COL28A1: variants seen among roughly 807,000 people sequenced by gnomAD.
The protein encoded by COL28A1 is collagen type XXVIII alpha 1 chain.
A neutral mutation model predicts 150.2 loss-of-function variants in COL28A1; 161 were observed. The ratio of observed to expected loss-of-function variants is 1.07; its 90% CI spans 0.94 to 1.22. COL28A1 has a LOEUF of 1.22. COL28A1 is among the 50% of genes most tolerant of loss of function. The probability of loss-of-function intolerance (pLI) is 0.00; values close to 1 mark genes in which losing one functional copy is unlikely to be tolerated. For missense variants in COL28A1, 1,617 were observed against 1,388.3 expected, an observed-to-expected ratio of 1.16 and a Z score of -2.62; for synonymous variants, 552 against 469.7, an observed-to-expected ratio of 1.18 and a Z score of -2.26.
At chr7:7,530,635 T>C (rs930858219) in intron 3 of COL28A1, among the ~76,000 whole-genome samples, 2 of 152,178 alleles carry the variant, frequency 1.3e-5, no homozygotes, top group Admixed American at 6.5e-5. Flanking sequence ...TTGATTGTGG[T>C]GCCGTGTGTT....
At chr7:7,447,513 G>A (rs369214878) in intron 18 of COL28A1, among the ~76,000 whole-genome samples, 20 of 151,852 alleles carry the variant, frequency 1.3e-4, no homozygotes, top group Middle Eastern at 3.4e-3. Flanking sequence ...AAAATCAATC[G>A]ATTGAAACTT....
intron 27 of COL28A1, among the ~76,000 whole-genome samples, chr7:7,393,282 C>T (rs1208994657): frequency 6.6e-6 from 1 of 152,216 alleles, no homozygotes; most frequent in Non-Finnish European, 1.5e-5. Flanking sequence ...TGGGCATTAC[C>T]AGTGGAGGCT....
chr7:7,485,683 C>T (rs1779588092), intron 13 of COL28A1, among the ~76,000 whole-genome samples: 1 of 152,138 alleles, frequency 6.6e-6, no homozygotes, highest in Non-Finnish European at 1.5e-5. Context: ...TGTGTTTGCA[C>T]AGATAACCAA....
At chr7:7,398,393 A>C (rs1393163657) in intron 27 of COL28A1, among the ~76,000 whole-genome samples, 2 of 152,328 alleles carry the variant, frequency 1.3e-5, no homozygotes, top group African/African-American at 4.8e-5. Flanking sequence ...AAGTGATTGG[A>C]CAAGTAGCAA....
chr7:7,454,531 AT>A, intron 16 of COL28A1, among the ~76,000 whole-genome samples: 1 of 152,314 alleles, frequency 6.6e-6, no homozygotes, highest in South Asian at 2.1e-4. Context: ...GGGTAAGAAA[AT>A]GAAAGAAGTC....
chr7:7,483,461 T>G (rs962318845), intron 13 of COL28A1, among the ~76,000 whole-genome samples: 4 of 152,304 alleles, frequency 2.6e-5, no homozygotes, highest in African/African-American at 9.6e-5. Context: ...TAAAAATTTC[T>G]ACCATGGTCC....
chr7:7,361,544 T>C (rs1482465892), intron 33 of COL28A1, among the ~76,000 whole-genome samples: 3 of 152,240 alleles, frequency 2.0e-5, no homozygotes, highest in Admixed American at 1.3e-4. Context: ...CTAACTGGCA[T>C]GAAATGGTAT....
In COL28A1 at chr7:7,520,118, GA is replaced by G; in HGVS notation, c.760-4del. 1 of 1,245,888 alleles carries G rather than the reference GA, an allele frequency of 8.0e-7. No individual in the cohort carries two copies. Among genetic ancestry groups the G allele is most frequent in the Non-Finnish European group, 1.2e-6 (1 of 847,188 alleles). 77.2% of individuals were successfully genotyped at this position (1,245,888 alleles called of 1,614,324 possible). A position where few individuals can be genotyped will look rare whatever the true frequency, so the allele number is the denominator to read the frequency against. ...ATACCTGGATTTCCATGTGTACCCT[GA>G]AGGCAAAGGGAAAAAATATTATTTT... is the stretch of plus-strand genomic sequence containing the variant. On this transcript the variant is annotated splice_polypyrimidine_tract_variant and splice_region_variant and intron_variant, in intron 5 of 34. Transcript: ENST00000399429.
At chr7:7,509,093 A>G (rs1033672982) in intron 9 of COL28A1, among the ~76,000 whole-genome samples, 3 of 151,902 alleles carry the variant, frequency 2.0e-5, no homozygotes, top group Non-Finnish European at 4.4e-5. Context: ...CTTGGCCTCC[A>G]AAAGTGTTGG....
downstream of COL28A1, among the ~76,000 whole-genome samples, chr7:7,357,456 C>T (rs923608177): frequency 2.6e-5 from 4 of 152,040 alleles, no homozygotes; most frequent in Non-Finnish European, 4.4e-5. Context: ...GTCAAGAGTT[C>T]GTGACCAGCC....
chr7:7,360,653 C>T, intron 33 of COL28A1, 125 bp from the exon 34 acceptor site: 1 of 795,452 alleles, frequency 1.3e-6, no homozygotes, highest in Non-Finnish European at 1.9e-6. Context: ...CTGATACTAA[C>T]TATTTCAAAT....
At chr7:7,475,195 T>C (rs1049024679) in intron 14 of COL28A1, among the ~76,000 whole-genome samples, 5 of 152,316 alleles carry the variant, frequency 3.3e-5, no homozygotes, top group Non-Finnish European at 7.4e-5. Flanking sequence ...TACAGTTACA[T>C]GACGTAAGTG....
intron 11 of COL28A1, among the ~76,000 whole-genome samples, chr7:7,498,399 A>G (rs1376827599): frequency 6.6e-6 from 1 of 152,140 alleles, no homozygotes. Context: ...GATTTATGAG[A>G]GCAGATGGGT....
intron 15 of COL28A1, among the ~76,000 whole-genome samples, chr7:7,465,196 G>A (rs971398234): frequency 2.6e-5 from 4 of 151,004 alleles, no homozygotes; most frequent in African/African-American, 7.3e-5. Context: ...CTGAGGTACC[G>A]GGTTCATCCC....
intron 21 of COL28A1, among the ~76,000 whole-genome samples, chr7:7,439,868 T>C (rs1328071223): frequency 6.6e-5 from 10 of 152,292 alleles, no homozygotes; most frequent in Middle Eastern, 3.4e-3. Context: ...GTGATACCGA[T>C]GGACACTGAA....
intron 8 of COL28A1, among the ~76,000 whole-genome samples, chr7:7,514,059 G>A (rs1408641947): frequency 6.6e-6 from 1 of 152,144 alleles, no homozygotes; most frequent in Non-Finnish European, 1.5e-5. Context: ...TTTTCCAAGT[G>A]AGAACTCTTC....
chr7:7,532,754 TGGACATCAC>T lies in COL28A1; in HGVS notation c.113_121del (p.Ser38_Gln41delinsLys). 1 of 1,601,690 alleles carries T rather than the reference TGGACATCAC, an allele frequency of 6.2e-7. No individual in the cohort carries two copies. The highest frequency in any genetic ancestry group is 8.5e-7 in the Non-Finnish European group (1 of 1,176,620). The stretch of plus-strand genomic sequence containing the variant: ...ACAAACAATTTTTTTTTTTTTACCC[TGGACATCAC>T]TTTTCCTTGCAAGCAAATTTGATTT... On this transcript the variant is annotated inframe_deletion, in exon 2 of 35. Transcript: ENST00000399429.
chr7:7,442,672 A>C (rs1785905222), intron 20 of COL28A1, among the ~76,000 whole-genome samples: 1 of 152,254 alleles, frequency 6.6e-6, no homozygotes, highest in Non-Finnish European at 1.5e-5. Context: ...ATATGTATAC[A>C]AATTTTATTT....
In COL28A1 at chr7:7,381,571, T is replaced by A. The variant is rs1214746003; in HGVS notation, c.2178A>T (p.Thr726=). The change falls in exon 28 of 35, where the codon ACA becomes ACT. Residue 726 remains threonine, a synonymous_variant. Coordinates refer to ENST00000399429, the MANE Select transcript of COL28A1 (RefSeq NM_001037763.3). ...GPQGFPGPKG[T]MGHGLPGQKG... Reference sequence around the variant, plus strand: ...TCTGGCCTGGGAGGCCATGGCCCATTGTGCCCTTTGGGCCTGGGAAGCCTT... The same window carrying A: ...TCTGGCCTGGGAGGCCATGGCCCATAGTGCCCTTTGGGCCTGGGAAGCCTT... 1.2e-6 allele frequency: 2 copies of A among 1,613,934 alleles called. No homozygotes were observed. The highest frequency in any genetic ancestry group is 3.3e-5 in the Admixed American group (2 of 60,032).
Sources: allele counts gnomAD v4.1 joint callset (sites outside exome capture counted in the v4.1 genomes callset), GRCh38; gene constraint gnomAD v4.1.1; transcripts MANE v1.5; gene names NCBI Gene and HGNC (gene_info 2026-07-23, HGNC 2026-07-21).